The following ZNF283 variants were observed in gnomAD, a reference collection of about 807,000 sequenced individuals.
The protein encoded by ZNF283 is zinc finger protein 283.
A neutral mutation model predicts 9.2 loss-of-function variants in ZNF283; 10 were observed. That is an observed-to-expected ratio of 1.09 (90% CI 0.67 to 1.85). ZNF283 has a LOEUF of 1.85. Ranked by LOEUF, ZNF283 falls within the 40% of genes most tolerant of loss-of-function variation. The pLI is 0.00. For missense variants in ZNF283, 631 were observed against 760.1 expected, an observed-to-expected ratio of 0.83 and a Z score of 2.00; for synonymous variants, 234 against 244.1, an observed-to-expected ratio of 0.96 and a Z score of 0.38.
At chr19:43,843,507 T>C (rs1971292892) in intron 6 of ZNF283, among the ~76,000 whole-genome samples, 1 of 152,360 alleles carries the variant, frequency 6.6e-6, no homozygotes, top group Non-Finnish European at 1.5e-5. Context: ...GCCAATGATA[T>C]AATTCAATCT....
chr19:43,829,363 T>G (rs917250709), intron 2 of ZNF283, among the ~76,000 whole-genome samples: 8 of 152,026 alleles, frequency 5.3e-5, no homozygotes, highest in Non-Finnish European at 8.8e-5. Context: ...CCAGCCTGGG[T>G]GACAGAGAGA....
Position 43,830,200 on chromosome 19 carries a change from G to A in ZNF283, c.-64-1118G>A, listed in dbSNP as rs565186125. On this transcript the variant is annotated intron_variant, in intron 2 of 6. Transcript: ENST00000618787. ...AGCGATCCTCCCACCTCAGGCTCCC[G>A]AGTACCTGGGACTACAGGTACGTGC... Among the ~76,000 whole-genome samples the A allele has an allele frequency of 2.2e-3, 335 of 152,152 alleles. 3 individuals carry two copies. The highest frequency in any genetic ancestry group is 7.5e-3 in the African/African-American group (312 of 41,526).
chr19:43,847,492 G>A lies in ZNF283; in HGVS notation c.891G>A (p.Gly297=), dbSNP rs758797866. The change falls in exon 7 of 7, where the codon GGG becomes GGA. Residue 297 remains glycine (G), a synonymous_variant. Transcript: ENST00000618787. ...GEKPYECKEC[G]KAFSRGYHLT... is the part of the protein sequence containing the mutation. ...AACCCTATGAATGTAAAGAATGTGG[G>A]AAGGCCTTTAGTCGTGGCTATCACC... is the stretch of plus-strand genomic sequence containing the variant. 3.0e-5 allele frequency: 48 copies of A among 1,612,846 alleles called. No individual in the cohort carries two copies. The highest frequency in any genetic ancestry group is 3.5e-5 in the Non-Finnish European group (41 of 1,179,438).
rs1970947581 is a variant in ZNF283 at position 43,835,695 on chromosome 19, GTTTTCCA to G, written c.210+104_210+110del. On this transcript the variant is annotated intron_variant, in intron 5 of 6. Transcript: ENST00000618787. ...CTATAGAACTTCTCCATAGACCCAA[GTTTTCCA>G]CAGAGATAAGGACTTTGGGGTTGCT... 8.1e-6 allele frequency: 7 copies of G among 865,102 alleles called. No individual in the cohort carries two copies. The South Asian group carries it at 1.1e-4, about 13-fold the overall frequency. 53.6% of individuals were successfully genotyped at this position (865,102 alleles called of 1,614,324 possible).
chr19:43,846,092 C>T (rs1161140074), intron 6 of ZNF283, among the ~76,000 whole-genome samples: 1 of 151,952 alleles, frequency 6.6e-6, no homozygotes, highest in African/African-American at 2.4e-5. Flanking sequence ...TTTTATGCAA[C>T]CAGAAATTAT....
rs895831543 is a variant in ZNF283 at position 43,830,503 on chromosome 19, A to G, written c.-64-815A>G. Among the ~76,000 whole-genome samples, 15 of 152,224 alleles carry G rather than the reference A, an allele frequency of 9.9e-5. No homozygotes were observed. In the East Asian group the frequency reaches 2.9e-3, roughly 29 times the overall value. On this transcript the variant is annotated intron_variant, in intron 2 of 6. Coordinates refer to ENST00000618787, the MANE Select transcript of ZNF283 (RefSeq NM_181845.2). ...GTAAATGTGTTTTTTTAAGTGGGCA[A>G]AGTGTCTATAATTTCATGAGATTAT...
intron 6 of ZNF283, among the ~76,000 whole-genome samples, chr19:43,838,895 A>G (rs1007186170): frequency 1.3e-5 from 2 of 152,194 alleles, no homozygotes; most frequent in Admixed American, 6.5e-5. Context: ...TAGTTTTACA[A>G]TCAGCTATTG....
rs1254273808 is a variant in ZNF283, at chr19:43,828,190, T to G, written c.-144-12T>G. ...AAATGCTGATGTCTCATGTTACTGT[T>G]TTTTCCCCCAGTGCTGCCAGGTTGC... On this transcript the variant is annotated splice_polypyrimidine_tract_variant and intron_variant, in intron 1 of 6. Coordinates refer to ENST00000618787, the MANE Select transcript of ZNF283 (RefSeq NM_181845.2). The G allele has an allele frequency of 3.8e-5, 2 of 52,050 alleles. No individual in the cohort carries two copies. The highest frequency in any genetic ancestry group is 8.8e-5 in the Non-Finnish European group (2 of 22,786). The allele number at this position is 52,050 out of a possible 1,614,324, so 3.2% of individuals were successfully genotyped here. A position where few individuals can be genotyped will look rare whatever the true frequency, so the allele number is the denominator to read the frequency against.
intron 6 of ZNF283, among the ~76,000 whole-genome samples, chr19:43,844,164 G>A (rs349042): frequency 0.3 from 45,699 of 151,854 alleles, 7,105 homozygotes; most frequent in Non-Finnish European, 0.34. Context: ...GTTATTTTAA[G>A]TGAATTAGTA....
chr19:43,828,911 T>G (rs961014517), intron 2 of ZNF283, among the ~76,000 whole-genome samples: 1 of 152,212 alleles, frequency 6.6e-6, no homozygotes, highest in African/African-American at 2.4e-5. Flanking sequence ...GTCTGCTTTG[T>G]GAGGCTTTTA....
At chr19:43,831,212 G>A (rs955166531) in intron 2 of ZNF283, 106 bp from the exon 3 acceptor site, 10 of 648,808 alleles carry the variant, frequency 1.5e-5, no homozygotes, top group African/African-American at 1.1e-4. Context: ...AGGTGCAGCC[G>A]TACTTACAGA....
At chr19:43,841,558 A>C (rs1971213094) in intron 6 of ZNF283, 1 of 151,686 alleles carries the variant, frequency 6.6e-6, no homozygotes, top group Non-Finnish European at 1.5e-5. Context: ...TCAGCCTCCA[A>C]AATAGCTGGG....
rs1356087293 is a variant in ZNF283 at position 43,851,985 on chromosome 19, C to T, written c.*3344C>T. The T allele has an allele frequency of 6.6e-6, 1 of 152,120 alleles. No homozygotes were observed. 9.4% of individuals were successfully genotyped at this position (152,120 alleles called of 1,614,324 possible). A position where few individuals can be genotyped will look rare whatever the true frequency, so the allele number is the denominator to read the frequency against. On this transcript the variant is annotated 3_prime_UTR_variant, in exon 7 of 7. Transcript: ENST00000618787. Reference sequence around the variant, plus strand: ...CTTTGTTGTAGCTAAGTAGTGGTGCCTCCTGAGTTTTATTAAATGCCGTTT... The same window carrying T: ...CTTTGTTGTAGCTAAGTAGTGGTGCTTCCTGAGTTTTATTAAATGCCGTTT...
intron 6 of ZNF283, among the ~76,000 whole-genome samples, chr19:43,845,257 T>C (rs1015811185): frequency 1.3e-5 from 2 of 152,176 alleles, no homozygotes; most frequent in African/African-American, 2.4e-5. Flanking sequence ...AATTCTGGAT[T>C]ATGTCAAAGA....
intron 4 of ZNF283, among the ~76,000 whole-genome samples, chr19:43,834,453 A>G (rs940258136): frequency 2.6e-5 from 4 of 151,846 alleles, no homozygotes; most frequent in Admixed American, 1.3e-4. Flanking sequence ...AGGCATATGT[A>G]GAAATTATAC....
intron 4 of ZNF283, among the ~76,000 whole-genome samples, chr19:43,834,391 A>G (rs1568415516): frequency 1.3e-5 from 2 of 151,898 alleles, no homozygotes; most frequent in Admixed American, 1.3e-4. Context: ...CCATTAATAT[A>G]TACATGGCAT....
intron 5 of ZNF283, 72 bp from the exon 6 acceptor site, chr19:43,836,981 T>C: frequency 6.5e-7 from 1 of 1,549,004 alleles, no homozygotes; most frequent in Non-Finnish European, 8.9e-7. Context: ...AGTTCATCCT[T>C]TGTACCCTCT....
At chr19:43,828,979 G>A (rs1294917269) in intron 2 of ZNF283, among the ~76,000 whole-genome samples, 2 of 152,218 alleles carry the variant, frequency 1.3e-5, no homozygotes, top group South Asian at 4.1e-4. Flanking sequence ...ACCAACAAGA[G>A]TGGGGACTTT....
chr19:43,828,942 C>G (rs1970586800), intron 2 of ZNF283, among the ~76,000 whole-genome samples: 1 of 152,176 alleles, frequency 6.6e-6, no homozygotes, highest in African/African-American at 2.4e-5. Flanking sequence ...TATGATTGAG[C>G]TTTGAACATA....
Sources: allele counts gnomAD v4.1 joint callset (sites outside exome capture counted in the v4.1 genomes callset), GRCh38; gene constraint gnomAD v4.1.1; transcripts MANE v1.5; gene names NCBI Gene and HGNC (gene_info 2026-07-23, HGNC 2026-07-21).